Variants in FRMD6 observed in about 807,000 individuals in gnomAD.
FRMD6 encodes FERM domain containing 6, also known as FERM domain-containing protein 6.
FRMD6 carries 37 observed loss-of-function variants against 73.2 expected under a neutral mutation model. The observed-to-expected ratio is 0.51, with a 90% confidence interval of 0.39 to 0.66. The LOEUF is 0.66. Ranked by LOEUF, FRMD6 falls within the 30% of genes least tolerant of loss-of-function variation. The pLI is 0.00. For missense variants in FRMD6, 714 were observed against 780.5 expected (o/e 0.91, Z 1.02); for synonymous variants, 273 against 282.2 (o/e 0.97, Z 0.33).
At chr14:51,403,321 A>G in the FRMD6 span, among the ~76,000 whole-genome samples, 1 of 152,206 alleles carries the variant, frequency 6.6e-6, no homozygotes, top group African/African-American at 2.4e-5. Flanking sequence ...TTATTGACCT[A>G]TAAAACATAT....
Position 51,636,242 on chromosome 14 carries a change from A to G in FRMD6, c.-146-53449A>G, listed in dbSNP as rs74052643. ...ATGTGAAGGACAATTGAGGTTTGAT[A>G]ACATCAAGGTTGTTTTGACCTAAGG... On this transcript the variant is annotated intron_variant, in intron 2 of 14. Transcript: ENST00000356218. Among the ~76,000 whole-genome samples the G allele has an allele frequency of 6.7e-3, 1,015 of 152,332 alleles. 12 individuals are homozygous for G. The highest frequency in any genetic ancestry group is 0.023 in the African/African-American group (963 of 41,568).
intron 1 of FRMD6, among the ~76,000 whole-genome samples, chr14:51,519,820 G>A (rs1884843459): frequency 6.6e-6 from 1 of 152,136 alleles, no homozygotes; most frequent in Non-Finnish European, 1.5e-5. Flanking sequence ...ATCACCAGTA[G>A]GTCTTGTGTT....
intron 1 of FRMD6, among the ~76,000 whole-genome samples, chr14:51,662,712 A>G (rs1468393921): frequency 6.6e-6 from 1 of 152,246 alleles, no homozygotes; most frequent in East Asian, 1.9e-4. Context: ...AACCTAGGCA[A>G]TACCGTTCTG....
chr14:51,459,691 G>A, the FRMD6 span, among the ~76,000 whole-genome samples: 9 of 151,790 alleles, frequency 5.9e-5, no homozygotes, highest in Non-Finnish European at 1.0e-4. Flanking sequence ...GCCGGGCGTG[G>A]TGGCGGGTGC....
intron 1 of FRMD6, among the ~76,000 whole-genome samples, chr14:51,556,417 C>T (rs1022832943): frequency 6.6e-6 from 1 of 152,138 alleles, no homozygotes; most frequent in Non-Finnish European, 1.5e-5. Context: ...TAGAATTTCA[C>T]ATTGTGAGTA....
rs3060587 is a variant in FRMD6 at position 51,585,939 on chromosome 14, G to GTATATATATATATATA, written c.-147+15536_-147+15551dup. 1.0e-3 allele frequency among the ~76,000 whole-genome samples: 32 copies of GTATATATATATATATA among 31,390 alleles called. 1 individual carries two copies. The highest frequency in any genetic ancestry group is 1.9e-3 in the African/African-American group (28 of 14,632). The allele number at this position is 31,390 out of a possible 152,430, so 20.6% of individuals were successfully genotyped here. ...TGCCATGGCATGTGTGTGTGTGTGT[G>GTATATATATATATATA]TATATATATATATATATATATAACA... On this transcript the variant is annotated intron_variant, in intron 2 of 14. Coordinates refer to the FRMD6 transcript ENST00000356218.
At chr14:51,596,423 C>G (rs2064922) in intron 2 of FRMD6, among the ~76,000 whole-genome samples, 1 of 151,894 alleles carries the variant, frequency 6.6e-6, no homozygotes, top group African/African-American at 2.4e-5. Flanking sequence ...AAGCTGATAC[C>G]TACTATCTAA....
At chr14:51,644,146 T>C (rs922737358) in intron 2 of FRMD6, among the ~76,000 whole-genome samples, 1 of 152,082 alleles carries the variant, frequency 6.6e-6, no homozygotes, top group African/African-American at 2.4e-5. Context: ...AATAGAATAT[T>C]AATTATACCA....
intron 2 of FRMD6, among the ~76,000 whole-genome samples, chr14:51,606,808 G>C (rs1047429494): frequency 3.3e-5 from 5 of 152,146 alleles, no homozygotes; most frequent in African/African-American, 1.2e-4. Flanking sequence ...GCATGGCTCA[G>C]CCCAAGTCCT....
chr14:51,397,900 T>G, the FRMD6 span, among the ~76,000 whole-genome samples: 1 of 152,204 alleles, frequency 6.6e-6, no homozygotes, highest in African/African-American at 2.4e-5. Context: ...CCCTGATATA[T>G]CTCAAGGTAT....
intron 2 of FRMD6, among the ~76,000 whole-genome samples, chr14:51,608,567 C>T (rs115927233): frequency 6.6e-6 from 1 of 152,208 alleles, no homozygotes; most frequent in African/African-American, 2.4e-5. Context: ...CAACCCCTTG[C>T]ATCTGCCCAG....
At chr14:51,511,417 C>T (rs2140256208) in intron 1 of FRMD6, among the ~76,000 whole-genome samples, 1 of 152,252 alleles carries the variant, frequency 6.6e-6, no homozygotes, top group South Asian at 2.1e-4. Flanking sequence ...TTAGGATAAC[C>T]CATTTCAAAT....
At chr14:51,633,743 C>A (rs570733946) in intron 2 of FRMD6, among the ~76,000 whole-genome samples, 40 of 151,626 alleles carry the variant, frequency 2.6e-4, no homozygotes, top group African/African-American at 9.4e-4. Flanking sequence ...CAATTTCTAA[C>A]ATGTATACCC....
chr14:51,698,420 C>T (rs1028161584), intron 3 of FRMD6, among the ~76,000 whole-genome samples, 188 bp downstream of exon 3: 3 of 151,962 alleles, frequency 2.0e-5, no homozygotes, highest in African/African-American at 7.3e-5. Context: ...GTATTTTTTA[C>T]AATATTTAGG....
intron 2 of FRMD6, among the ~76,000 whole-genome samples, chr14:51,646,318 CAAA>C (rs34495089): frequency 0.051 from 3,544 of 69,230 alleles, 49 homozygotes; most frequent in Middle Eastern, 0.068. Flanking sequence ...ACTCCATATC[CAAA>C]AAAAAAAAAA....
the FRMD6 span, among the ~76,000 whole-genome samples, chr14:51,474,009 C>T: frequency 1.3e-5 from 2 of 152,092 alleles, no homozygotes; most frequent in Non-Finnish European, 2.9e-5. Context: ...ATCACAAAAA[C>T]CCTACGAAAT....
At chr14:51,700,584 T>C (rs544189601) in intron 3 of FRMD6, among the ~76,000 whole-genome samples, 1 of 152,066 alleles carries the variant, frequency 6.6e-6, no homozygotes, top group Non-Finnish European at 1.5e-5. Flanking sequence ...TGGGTCAGAC[T>C]TCTCACTTGG....
intron 2 of FRMD6, among the ~76,000 whole-genome samples, chr14:51,690,361 C>T (rs916296888): frequency 6.6e-6 from 1 of 152,048 alleles, no homozygotes; most frequent in Non-Finnish European, 1.5e-5. Context: ...ATTACTTTTG[C>T]ACCAACCTAG....
chr14:51,680,857 A>T (rs1894747211), intron 1 of FRMD6, among the ~76,000 whole-genome samples: 1 of 152,148 alleles, frequency 6.6e-6, no homozygotes, highest in Non-Finnish European at 1.5e-5. Flanking sequence ...CACTTTAGTG[A>T]GTACTTTTGT....
Sources: allele counts gnomAD v4.1 joint callset (sites outside exome capture counted in the v4.1 genomes callset), GRCh38; gene constraint gnomAD v4.1.1; transcripts MANE v1.5; gene names NCBI Gene and HGNC (gene_info 2026-07-23, HGNC 2026-07-21).